HDAC4: variants seen among roughly 807,000 people sequenced by gnomAD.
HDAC4 encodes histone deacetylase 4, also known as histone deacetylase A.
In HDAC4, 16 loss-of-function variants were observed where a neutral mutation model predicts 135.1. That is an observed-to-expected ratio of 0.12 (90% CI 0.08 to 0.18). The LOEUF is 0.18. Ranked by LOEUF, HDAC4 falls within the 10% of genes least tolerant of loss-of-function variation. The probability of loss-of-function intolerance (pLI) is 1.00; values close to 1 mark genes in which losing one functional copy is unlikely to be tolerated. For missense variants in HDAC4, 1,143 were observed against 1,511.8 expected, an observed-to-expected ratio of 0.76 and a Z score of 4.05; for synonymous variants, 685 against 653.4, an observed-to-expected ratio of 1.05 and a Z score of -0.74.
At chr2:239,169,591 C>A (rs143797310) in intron 5 of HDAC4, among the ~76,000 whole-genome samples, 1 of 152,250 alleles carries the variant, frequency 6.6e-6, no homozygotes, top group Non-Finnish European at 1.5e-5. Context: ...ACCCAGGCAA[C>A]GCACTAGGCA....
chr2:239,243,686 G>A (rs987837838), intron 2 of HDAC4, among the ~76,000 whole-genome samples: 1 of 152,156 alleles, frequency 6.6e-6, no homozygotes, highest in Admixed American at 6.5e-5. Flanking sequence ...TCAAACAAAG[G>A]TGTTGTTTTA....
intron 2 of HDAC4, among the ~76,000 whole-genome samples, chr2:239,317,731 A>G (rs1490246023): frequency 6.6e-6 from 1 of 152,232 alleles, no homozygotes; most frequent in Non-Finnish European, 1.5e-5. Flanking sequence ...AGGAGTCCAC[A>G]TTTCACGTTG....
At chr2:239,298,448 C>G (rs1055665551) in intron 2 of HDAC4, 1 of 1,143,002 alleles carries the variant, frequency 8.7e-7, no homozygotes, top group African/African-American at 1.6e-5. Flanking sequence ...ACCGTGGATA[C>G]TCTAGGGTCC....
At chr2:239,203,006 C>T (rs2045850526) in intron 3 of HDAC4, among the ~76,000 whole-genome samples, 1 of 152,168 alleles carries the variant, frequency 6.6e-6, no homozygotes, top group African/African-American at 2.4e-5. Flanking sequence ...ACAGCCCAGG[C>T]AGCAAGCCCA....
intron 1 of HDAC4, among the ~76,000 whole-genome samples, chr2:239,372,292 G>A (rs1242619567): frequency 3.3e-5 from 5 of 152,178 alleles, no homozygotes; most frequent in Non-Finnish European, 5.9e-5. Flanking sequence ...CTACTCATCC[G>A]ACCGCTCCCC....
At chr2:239,215,819 G>T (rs2046603247) in intron 3 of HDAC4, among the ~76,000 whole-genome samples, 1 of 152,142 alleles carries the variant, frequency 6.6e-6, no homozygotes, top group Non-Finnish European at 1.5e-5. Context: ...GCAGGCACTG[G>T]GGGTCTGCGA....
At chr2:239,061,192 T>C (rs572195206) in intron 24 of HDAC4, among the ~76,000 whole-genome samples, 1 of 152,126 alleles carries the variant, frequency 6.6e-6, no homozygotes, top group South Asian at 2.1e-4. Flanking sequence ...TGACAGCATG[T>C]GCTTGTGGGG....
chr2:239,185,337 T>C (rs1354523715), intron 4 of HDAC4, among the ~76,000 whole-genome samples: 2 of 151,764 alleles, frequency 1.3e-5, no homozygotes, highest in Non-Finnish European at 2.9e-5. Flanking sequence ...AGGTCTGCCC[T>C]ATGAAGGGTG....
chr2:239,273,432 C>T (rs548040487), intron 2 of HDAC4, among the ~76,000 whole-genome samples: 2 of 152,308 alleles, frequency 1.3e-5, no homozygotes, highest in South Asian at 4.1e-4. Context: ...ATAAAGAAAG[C>T]CTTTCCTGTG....
chr2:239,394,403 G>A (rs939233125), intron 1 of HDAC4, among the ~76,000 whole-genome samples: 29 of 152,208 alleles, frequency 1.9e-4, no homozygotes, highest in Admixed American at 2.0e-4. Flanking sequence ...AAAACAAGCA[G>A]AGAAAAACTT....
intron 14 of HDAC4, among the ~76,000 whole-genome samples, chr2:239,110,850 G>A (rs1192184325): frequency 2.0e-5 from 3 of 152,236 alleles, no homozygotes; most frequent in Admixed American, 6.5e-5. Flanking sequence ...GGCGGCCCAG[G>A]ACAGCAGTCT....
At chr2:239,065,156 C>T (rs995864523) in intron 24 of HDAC4, among the ~76,000 whole-genome samples, 1 of 152,176 alleles carries the variant, frequency 6.6e-6, no homozygotes, top group Non-Finnish European at 1.5e-5. Context: ...GGGATGGCTG[C>T]AGTCCCTGCC....
At chr2:239,216,537 A>G (rs2046649455) in intron 3 of HDAC4, among the ~76,000 whole-genome samples, 1 of 152,232 alleles carries the variant, frequency 6.6e-6, no homozygotes, top group Non-Finnish European at 1.5e-5. Context: ...TCTGAAGAAG[A>G]GAAGGCTTTG....
At chr2:239,104,164 C>A (rs886625967) in intron 15 of HDAC4, among the ~76,000 whole-genome samples, 1 of 152,182 alleles carries the variant, frequency 6.6e-6, no homozygotes, top group African/African-American at 2.4e-5. Flanking sequence ...GCAGGAGGGA[C>A]GTACTCTCTG....
intron 24 of HDAC4, among the ~76,000 whole-genome samples, chr2:239,062,734 A>G (rs1334450621): frequency 6.6e-6 from 1 of 152,208 alleles, no homozygotes; most frequent in Non-Finnish European, 1.5e-5. Flanking sequence ...GGACATTTTA[A>G]ACAGCAGCCC....
intron 3 of HDAC4, among the ~76,000 whole-genome samples, chr2:239,196,415 T>C (rs985143418): frequency 1.3e-5 from 2 of 152,222 alleles, no homozygotes; most frequent in African/African-American, 4.8e-5. Context: ...CCTTGTTAAG[T>C]GTCCTCTTGC....
At chr2:239,199,662 C>G (rs778651565) in intron 3 of HDAC4, among the ~76,000 whole-genome samples, 8 of 152,162 alleles carry the variant, frequency 5.3e-5, no homozygotes, top group Non-Finnish European at 8.8e-5. Context: ...GGCGGCCCTC[C>G]AGACCCTGTG....
At chr2:239,234,796 C>T (rs1027052694) in intron 3 of HDAC4, among the ~76,000 whole-genome samples, 12 of 152,316 alleles carry the variant, frequency 7.9e-5, no homozygotes, top group Admixed American at 2.0e-4. Context: ...GCAGGGTGCG[C>T]TTCCCAAGCC....
chr2:239,320,115 TA>T (rs777852266), intron 2 of HDAC4, among the ~76,000 whole-genome samples: 97 of 152,108 alleles, frequency 6.4e-4, no homozygotes, highest in Non-Finnish European at 1.2e-3. Flanking sequence ...GAGAAAGTGA[TA>T]AATCACCTGT....
Sources: gnomAD v4.1 joint callset for allele counts (sites outside exome capture counted in the v4.1 genomes callset) on GRCh38, gnomAD v4.1.1 for gene constraint, MANE v1.5 for transcripts, NCBI Gene and HGNC (gene_info 2026-07-23, HGNC 2026-07-21) for gene names.